PRLR: variants seen among roughly 807,000 people sequenced by gnomAD.
PRLR encodes hPRL receptor.
A neutral mutation model predicts 40.2 loss-of-function variants in PRLR; 13 were observed. The ratio of observed to expected loss-of-function variants is 0.32; its 90% CI spans 0.21 to 0.51. PRLR has a LOEUF of 0.51. Ranked by LOEUF, PRLR falls within the 20% of genes least tolerant of loss-of-function variation. PRLR has a pLI of 0.97. For synonymous variants in PRLR, 269 were observed against 278.7 expected (o/e 0.97, Z 0.35); for missense variants, 656 against 747.3 (o/e 0.88, Z 1.42).
At chr5:35,222,235 A>G (rs1163783654) in intron 1 of PRLR, among the ~76,000 whole-genome samples, 1 of 152,056 alleles carries the variant, frequency 6.6e-6, no homozygotes, top group Non-Finnish European at 1.5e-5. Flanking sequence ...CCCGGGAGGC[A>G]GAGGTTGCGG....
chr5:35,204,354 G>A (rs2111618212), intron 1 of PRLR, among the ~76,000 whole-genome samples: 1 of 152,218 alleles, frequency 6.6e-6, no homozygotes, highest in African/African-American at 2.4e-5. Context: ...AAGTTGAGAT[G>A]TTTAGCTATG....
At position 35,068,876 on chromosome 5, in the gene PRLR, A is replaced by G; in HGVS notation, c.688T>C (p.Phe230Leu). The change falls in exon 8 of 10, where the codon TTC becomes CTC. Residue 230 changes from phenylalanine (F) to leucine (L), a missense_variant and splice_region_variant. Around this residue, in one of 3 missense-constraint regions of PRLR, gnomAD observed 469 missense variants for 491.5 expected, o/e 0.95. Coordinates refer to ENST00000618457, the MANE Select transcript of PRLR (RefSeq NM_000949.7). Reference protein sequence around the residue: ...PATFIQIPSDFTMNDTTVWIS... With the variant: ...PATFIQIPSDLTMNDTTVWIS... Reference sequence around the variant, plus strand: ...CACACGGTTGTATCATTCATGGTGAAGTCTAAAAAACAAACAGCCAGAAAG... The same window carrying G: ...CACACGGTTGTATCATTCATGGTGAGGTCTAAAAAACAAACAGCCAGAAAG... 1 of 1,607,796 alleles carries G rather than the reference A, an allele frequency of 6.2e-7. No homozygotes were observed. The highest frequency in any genetic ancestry group is 1.7e-4 in the Middle Eastern group (1 of 6,054).
chr5:35,150,497 C>G lies in PRLR; in HGVS notation c.-105-32375G>C, dbSNP rs566271889. ...CAACAAACAGAATTGTGCTGTCAGACTAATTATGCATGATAACTCTAAGAT... is the reference window on the plus strand; with the variant it reads ...CAACAAACAGAATTGTGCTGTCAGAGTAATTATGCATGATAACTCTAAGAT... On this transcript the variant is annotated intron_variant, in intron 1 of 9. Coordinates refer to ENST00000618457, the MANE Select transcript of PRLR (RefSeq NM_000949.7). 6.6e-5 allele frequency among the ~76,000 whole-genome samples: 10 copies of G among 152,244 alleles called. No individual in the cohort carries two copies. The East Asian group carries it at 1.9e-3, about 29-fold the overall frequency.
rs1316206616 is a variant in PRLR at position 35,065,076 on chromosome 5, A to G, written c.*13T>C. On this transcript the variant is annotated 3_prime_UTR_variant, in exon 10 of 10. Coordinates refer to ENST00000618457, the MANE Select transcript of PRLR (RefSeq NM_000949.7). ...AAATCACATTTTAACCAATCATTCC[A>G]TTAGTCAAGCTATCAGTGAAAGGAG... 1.3e-6 allele frequency: 2 copies of G among 1,599,350 alleles called. No individual in the cohort carries two copies. Among genetic ancestry groups the G allele is most frequent in the Admixed American group, 3.4e-5 (2 of 58,944 alleles).
intron 2 of PRLR, among the ~76,000 whole-genome samples, chr5:35,100,989 A>C (rs1052030656): frequency 2.0e-4 from 31 of 152,188 alleles, no homozygotes; most frequent in African/African-American, 7.0e-4. Context: ...AGTTGGGCAA[A>C]TCTAGGGACA....
chr5:35,230,108 A>G (rs7713385), intron 1 of PRLR, among the ~76,000 whole-genome samples, 160 bp downstream of exon 1: 25,430 of 151,716 alleles, frequency 0.17, 3,142 homozygotes, highest in African/African-American at 0.34. Context: ...CCGGCTGCCG[A>G]CTCTGGCTCC....
chr5:35,168,604 TG>T (rs1403832352), intron 1 of PRLR, among the ~76,000 whole-genome samples: 1 of 151,916 alleles, frequency 6.6e-6, no homozygotes, highest in Non-Finnish European at 1.5e-5. Context: ...AATAAACCCG[TG>T]GGTCTAAGGA....
intron 2 of PRLR, among the ~76,000 whole-genome samples, chr5:35,099,890 G>T (rs249528): frequency 0.056 from 8,499 of 152,142 alleles, 556 homozygotes; most frequent in East Asian, 0.18. Context: ...TTACAAAATA[G>T]TCAAGGCCAG....
chr5:35,218,429 T>C (rs761080774), intron 1 of PRLR, among the ~76,000 whole-genome samples: 1 of 152,220 alleles, frequency 6.6e-6, no homozygotes, highest in Non-Finnish European at 1.5e-5. Context: ...ACATATAATA[T>C]AGAAGACAAA....
In PRLR at chr5:35,079,144, T is replaced by G. The variant is rs370198958; in HGVS notation, c.373+5326A>C. On this transcript the variant is annotated intron_variant, in intron 5 of 9. Coordinates refer to ENST00000618457, the MANE Select transcript of PRLR (RefSeq NM_000949.7). ...CAGGAAGCATTCCCTTTGAAAACTG[T>G]CACAAGACAGGGATGCCATCTCTCA... 7.2e-5 allele frequency among the ~76,000 whole-genome samples: 11 copies of G among 152,226 alleles called. No individual in the cohort carries two copies. In the East Asian group the frequency reaches 1.4e-3, roughly 19 times the overall value.
At chr5:35,164,369 G>A (rs546956278) in intron 1 of PRLR, among the ~76,000 whole-genome samples, 5 of 152,248 alleles carry the variant, frequency 3.3e-5, no homozygotes, top group African/African-American at 1.2e-4. Context: ...TTTACTAAGG[G>A]TGCTCAGGGA....
chr5:35,146,522 C>T (rs951525272), intron 1 of PRLR, among the ~76,000 whole-genome samples: 2 of 152,148 alleles, frequency 1.3e-5, no homozygotes, highest in Admixed American at 1.3e-4. Context: ...ACTTCCTAAC[C>T]GAGGGCTGGG....
rs939846501 is a variant in PRLR at position 35,144,615 on chromosome 5, G to A, written c.-105-26493C>T. ...ATTACAGGTGCACACCACCATGCCTGGCTAATTTTTTTTTTTTTTTGTATT... is the reference window on the plus strand; with the variant it reads ...ATTACAGGTGCACACCACCATGCCTAGCTAATTTTTTTTTTTTTTTGTATT... On this transcript the variant is annotated intron_variant, in intron 1 of 9. Transcript: ENST00000618457. Among the ~76,000 whole-genome samples the A allele has an allele frequency of 1.7e-4, 25 of 148,432 alleles. No homozygotes were observed. The South Asian group carries it at 2.0e-3, about 12-fold the overall frequency.
chr5:35,178,140 A>C (rs1449032633), intron 1 of PRLR, among the ~76,000 whole-genome samples: 1 of 150,922 alleles, frequency 6.6e-6, no homozygotes, highest in Non-Finnish European at 1.5e-5. Context: ...TGTTCAGATC[A>C]CTTTGCCCAT....
downstream of PRLR, among the ~76,000 whole-genome samples, chr5:35,051,555 G>C (rs1185311028): frequency 6.6e-6 from 1 of 152,180 alleles, no homozygotes; most frequent in Non-Finnish European, 1.5e-5. Flanking sequence ...CTGTATGGGG[G>C]AAGAGCTATT....
At position 35,064,759 on chromosome 5, in the gene PRLR, G is replaced by A. The variant is rs1769245784; in HGVS notation, c.*330C>T. 1 of 215,218 alleles carries A rather than the reference G, an allele frequency of 4.6e-6. No individual in the cohort carries two copies. The highest frequency in any genetic ancestry group is 2.3e-5 in the African/African-American group (1 of 43,572). The allele number at this position is 215,218 out of a possible 1,614,324, so 13.3% of individuals were successfully genotyped here. On this transcript the variant is annotated 3_prime_UTR_variant, in exon 10 of 10. Transcript: ENST00000618457. ...AATTTTGACAATTTCATTTCCGTCT[G>A]TCCCATGCCAAATCATGAAAGCCTT... is the stretch of plus-strand genomic sequence containing the variant.
At chr5:35,221,619 A>G (rs947859834) in intron 1 of PRLR, among the ~76,000 whole-genome samples, 2 of 152,220 alleles carry the variant, frequency 1.3e-5, no homozygotes, top group Non-Finnish European at 2.9e-5. Flanking sequence ...CTGGATGCAC[A>G]TTATAAACCT....
downstream of PRLR, among the ~76,000 whole-genome samples, chr5:35,051,308 G>A (rs763971581): frequency 3.3e-5 from 5 of 152,210 alleles, no homozygotes; most frequent in Non-Finnish European, 5.9e-5. Context: ...TAGAATGATT[G>A]ACAGATAATT....
chr5:35,053,239 G>A (rs1273317569), downstream of PRLR, among the ~76,000 whole-genome samples: 1 of 152,186 alleles, frequency 6.6e-6, no homozygotes, highest in Non-Finnish European at 1.5e-5. Flanking sequence ...TGGAAAAGAA[G>A]AAACAGTGTT....
Sources: allele counts gnomAD v4.1 joint callset (sites outside exome capture counted in the v4.1 genomes callset), GRCh38; gene constraint gnomAD v4.1.1; regional missense constraint gnomAD v4.1.1; transcripts MANE v1.5; gene names NCBI Gene and HGNC (gene_info 2026-07-23, HGNC 2026-07-21).